Variants in SCMH1 observed in about 807,000 individuals in gnomAD.
The protein encoded by SCMH1 is Scm polycomb group protein homolog 1.
In SCMH1, 37 loss-of-function variants were observed where a neutral mutation model predicts 70.8. The observed-to-expected ratio is 0.52, with a 90% confidence interval of 0.40 to 0.69. The LOEUF is 0.69. Among genes scored for constraint, SCMH1 ranks in the 30% least tolerant of loss-of-function variants. The pLI, the probability that SCMH1 is intolerant of heterozygous loss-of-function variation, is 0.00. For synonymous variants in SCMH1, 292 were observed against 307.4 expected, an observed-to-expected ratio of 0.95 and a Z score of 0.52; for missense variants, 607 against 827.3, an observed-to-expected ratio of 0.73 and a Z score of 3.27.
chr1:41,040,342 A>T (rs1301191478), intron 12 of SCMH1, among the ~76,000 whole-genome samples: 1 of 152,160 alleles, frequency 6.6e-6, no homozygotes, highest in Non-Finnish European at 1.5e-5. Context: ...GCTGACCTTA[A>T]AAATTAGAGT....
At chr1:41,071,785 C>T (rs1288463777) in intron 9 of SCMH1, among the ~76,000 whole-genome samples, 1 of 152,122 alleles carries the variant, frequency 6.6e-6, no homozygotes, top group African/African-American at 2.4e-5. Flanking sequence ...ACCTCAGCCT[C>T]CTGAGTAACT....
intron 10 of SCMH1, among the ~76,000 whole-genome samples, chr1:41,067,763 TAAAACA>T (rs1176879986): frequency 6.6e-6 from 1 of 152,136 alleles, no homozygotes; most frequent in East Asian, 1.9e-4. Context: ...CCACAGAACG[TAAAACA>T]CCAAGAGTAA....
intron 6 of SCMH1, among the ~76,000 whole-genome samples, chr1:41,129,809 TG>T (rs1157365731): frequency 6.6e-6 from 1 of 152,126 alleles, no homozygotes; most frequent in African/African-American, 2.4e-5. Context: ...AGAAAATAGT[TG>T]GGGGTCTCAC....
intron 4 of SCMH1, among the ~76,000 whole-genome samples, chr1:41,160,408 T>G (rs1645914938): frequency 6.6e-6 from 1 of 152,246 alleles, no homozygotes; most frequent in Non-Finnish European, 1.5e-5. Flanking sequence ...TTGGTCTGAC[T>G]TCTTACTTGA....
At chr1:41,091,694 A>T (rs1663567654) in intron 8 of SCMH1, among the ~76,000 whole-genome samples, 1 of 151,910 alleles carries the variant, frequency 6.6e-6, no homozygotes, top group Admixed American at 6.6e-5. Context: ...AAGTCTCAGG[A>T]TACAAAATCA....
chr1:41,226,871 G>C (rs111619059), intron 1 of SCMH1, among the ~76,000 whole-genome samples: 12 of 152,324 alleles, frequency 7.9e-5, no homozygotes, highest in Admixed American at 2.0e-4. Context: ...AGGAAGTTAT[G>C]TCTCCGTTGA....
At chr1:41,130,263 A>C (rs1342759625) in intron 6 of SCMH1, among the ~76,000 whole-genome samples, 1 of 152,180 alleles carries the variant, frequency 6.6e-6, no homozygotes, top group Non-Finnish European at 1.5e-5. Flanking sequence ...AGTTTTTAAA[A>C]ATATTTTTTG....
rs185568810 is a variant in SCMH1 at position 41,146,425 on chromosome 1, G to A, written c.178-3313C>T. Among the ~76,000 whole-genome samples the A allele has an allele frequency of 5.9e-5, 9 of 152,252 alleles. No homozygotes were observed. The East Asian group carries it at 1.7e-3, about 29-fold the overall frequency. On this transcript the variant is annotated intron_variant, in intron 5 of 14. Transcript: ENST00000337495. ...GTGTACAGCGTTTATAACGTTGACA[G>A]TGGTACGCAGTTCACCACTTACTCA...
intron 1 of SCMH1, among the ~76,000 whole-genome samples, chr1:41,192,642 G>A (rs1652003763): frequency 6.6e-6 from 1 of 151,904 alleles, no homozygotes; most frequent in African/African-American, 2.4e-5. Flanking sequence ...TTTGCTGCAG[G>A]CCCGGAGTGT....
At chr1:41,063,481 T>C (rs1472008971) in intron 10 of SCMH1, among the ~76,000 whole-genome samples, 1 of 150,866 alleles carries the variant, frequency 6.6e-6, no homozygotes, top group Non-Finnish European at 1.5e-5. Flanking sequence ...TAAAAAATAA[T>C]AATAATAAAA....
chr1:41,122,239 T>C (rs183488818), intron 6 of SCMH1, among the ~76,000 whole-genome samples: 271 of 152,332 alleles, frequency 1.8e-3, no homozygotes, highest in Non-Finnish European at 3.4e-3. Flanking sequence ...TCATCTCTTA[T>C]CACTCCCTTG....
chr1:41,067,216 G>A (rs1430081096), intron 10 of SCMH1, among the ~76,000 whole-genome samples: 4 of 152,040 alleles, frequency 2.6e-5, no homozygotes, highest in African/African-American at 4.8e-5. Context: ...AGGCTGAAGC[G>A]GGTGGATCAC....
At chr1:41,186,174 G>T in exon 2 of SCMH1, 1 of 1,193,130 alleles carries the variant, frequency 8.4e-7, no homozygotes, top group Non-Finnish European at 1.2e-6. Context: ...TAAGAAGTTT[G>T]GGATTTATCC....
chr1:41,144,044 CTTTT>C (rs1644339763), intron 5 of SCMH1, among the ~76,000 whole-genome samples: 1 of 152,048 alleles, frequency 6.6e-6, no homozygotes, highest in Non-Finnish European at 1.5e-5. Context: ...AATACACTTT[CTTTT>C]TTCTTGCACA....
intron 2 of SCMH1, among the ~76,000 whole-genome samples, chr1:41,178,699 T>C (rs1472898045): frequency 2.0e-5 from 3 of 152,168 alleles, no homozygotes; most frequent in Non-Finnish European, 2.9e-5. Flanking sequence ...CCTAAACATA[T>C]ATGCACCCAA....
chr1:41,050,382 T>TTG (rs1397186758), intron 10 of SCMH1, among the ~76,000 whole-genome samples: 2 of 152,110 alleles, frequency 1.3e-5, no homozygotes, highest in Non-Finnish European at 2.9e-5. Flanking sequence ...AGAGCAGTAA[T>TTG]TGTGTGGCCC....
intron 10 of SCMH1, among the ~76,000 whole-genome samples, chr1:41,049,723 C>T (rs1384080062): frequency 6.1e-5 from 9 of 148,056 alleles, no homozygotes; most frequent in South Asian, 2.2e-4. Flanking sequence ...GCCGAGATTG[C>T]GCCACTGCAC....
rs1020754015 is a variant in SCMH1, at chr1:41,235,083, T to C, written c.-118+6976A>G. Among the ~76,000 whole-genome samples the C allele has an allele frequency of 5.3e-5, 8 of 152,226 alleles. No homozygotes were observed. The East Asian group carries it at 1.4e-3, about 26-fold the overall frequency. ...TGTGAGTTACCATGCCCAATGCATT[T>C]TGAATATATTTCAACCAGAACATTA... is the stretch of plus-strand genomic sequence containing the variant. On this transcript the variant is annotated intron_variant, in intron 1 of 14. Coordinates refer to ENST00000337495, the Ensembl canonical transcript of SCMH1.
chr1:41,084,842 T>C (rs920804696), intron 8 of SCMH1, among the ~76,000 whole-genome samples: 4 of 151,694 alleles, frequency 2.6e-5, no homozygotes, highest in Non-Finnish European at 4.4e-5. Flanking sequence ...ATGGATGAAA[T>C]TGGAAATCAT....
Sources: allele counts gnomAD v4.1 joint callset (sites outside exome capture counted in the v4.1 genomes callset), GRCh38; gene constraint gnomAD v4.1.1; transcripts MANE v1.5; gene names NCBI Gene and HGNC (gene_info 2026-07-23, HGNC 2026-07-21).